SCAI: variants seen among roughly 807,000 people sequenced by gnomAD.
SCAI encodes the protein suppressor of cancer cell invasion.
A neutral mutation model predicts 92.2 loss-of-function variants in SCAI; 24 were observed. The observed-to-expected ratio is 0.26, with a 90% confidence interval of 0.19 to 0.37. The LOEUF (loss-of-function observed/expected upper bound fraction) is 0.37. Among genes scored for constraint, SCAI ranks in the 10% least tolerant of loss-of-function variants. The pLI, the probability that SCAI is intolerant of heterozygous loss-of-function variation, is 1.00. For synonymous variants in SCAI, 261 were observed against 258.6 expected (o/e 1.01, Z -0.09); for missense variants, 450 against 736.2 (o/e 0.61, Z 4.50).
intron 9 of SCAI, among the ~76,000 whole-genome samples, chr9:125,010,467 C>T (rs113549001): frequency 7.4e-4 from 113 of 152,320 alleles, no homozygotes; most frequent in Middle Eastern, 3.4e-3. Flanking sequence ...AAGGCAGCAG[C>T]GAGGCTGGGG....
chr9:125,002,570 C>T (rs538559228), intron 11 of SCAI, among the ~76,000 whole-genome samples: 2 of 150,114 alleles, frequency 1.3e-5, no homozygotes, highest in South Asian at 2.1e-4. Flanking sequence ...GCAGCCTCCG[C>T]CTCCCGGGTT....
chr9:125,066,758 A>AT (rs1156462575), intron 2 of SCAI, among the ~76,000 whole-genome samples: 1 of 151,778 alleles, frequency 6.6e-6, no homozygotes, highest in Non-Finnish European at 1.5e-5. Context: ...TGGCCTATTT[A>AT]TTTTTTTTAA....
chr9:125,120,704 CAAAT>C (rs1355936407), intron 2 of SCAI, among the ~76,000 whole-genome samples: 3 of 151,566 alleles, frequency 2.0e-5, no homozygotes, highest in Non-Finnish European at 2.9e-5. Flanking sequence ...AACAAACAAA[CAAAT>C]AAATAAGTAT....
At chr9:125,002,841 C>T (rs899534122) in intron 11 of SCAI, among the ~76,000 whole-genome samples, 2 of 151,480 alleles carry the variant, frequency 1.3e-5, no homozygotes, top group Non-Finnish European at 2.9e-5. Context: ...GGAAGGAGAA[C>T]CACTATTATC....
intron 3 of SCAI, among the ~76,000 whole-genome samples, chr9:125,045,949 T>TG (rs1183597573): frequency 6.6e-6 from 1 of 151,832 alleles, no homozygotes; most frequent in African/African-American, 2.4e-5. Context: ...ACTTTTACAC[T>TG]GCTGGTGGGA....
intron 15 of SCAI, among the ~76,000 whole-genome samples, chr9:124,973,417 G>A (rs1459141533): frequency 1.3e-5 from 2 of 152,212 alleles, no homozygotes; most frequent in Non-Finnish European, 2.9e-5. Flanking sequence ...TATGTGCTTG[G>A]CCAGGTGTGG....
intron 3 of SCAI, among the ~76,000 whole-genome samples, chr9:125,049,519 G>C (rs927705486): frequency 3.3e-5 from 5 of 152,180 alleles, no homozygotes; most frequent in Non-Finnish European, 7.3e-5. Flanking sequence ...CTACATGCAA[G>C]AGCCATTATA....
intron 6 of SCAI, among the ~76,000 whole-genome samples, chr9:125,021,855 C>T (rs1832876278): frequency 6.6e-6 from 1 of 152,114 alleles, no homozygotes; most frequent in African/African-American, 2.4e-5. Context: ...ATCCTCTTGC[C>T]TCAGCCTTCT....
At chr9:125,045,517 T>G (rs1000772549) in intron 3 of SCAI, among the ~76,000 whole-genome samples, 5 of 152,130 alleles carry the variant, frequency 3.3e-5, no homozygotes, top group Admixed American at 6.5e-5. Context: ...ATTTTTTATT[T>G]TGTAGACGGG....
chr9:124,969,187 C>G (rs530066232), intron 17 of SCAI, among the ~76,000 whole-genome samples: 2 of 152,274 alleles, frequency 1.3e-5, no homozygotes, highest in African/African-American at 4.8e-5. Flanking sequence ...TGAAGTGATG[C>G]TCCTGTCTCG....
chr9:124,996,709 A>C (rs1832246159), intron 13 of SCAI, among the ~76,000 whole-genome samples: 1 of 151,996 alleles, frequency 6.6e-6, no homozygotes, highest in African/African-American at 2.4e-5. Flanking sequence ...GGCTCACTGC[A>C]ACCTCCGCCT....
rs1372203963 is a variant in SCAI at position 125,026,924 on chromosome 9, T to C, written c.414-14A>G. On this transcript the variant is annotated splice_polypyrimidine_tract_variant and intron_variant, in intron 5 of 17. Coordinates refer to ENST00000336505, the MANE Select transcript of SCAI (RefSeq NM_001144877.3). ...GATGTGCGTAAGCTATGAGAAAAAATATATTTTTAAATATGACAGTGTCAG... is the reference window on the plus strand; with the variant it reads ...GATGTGCGTAAGCTATGAGAAAAAACATATTTTTAAATATGACAGTGTCAG... 1 of 1,481,534 alleles carries C rather than the reference T, an allele frequency of 6.7e-7. No individual in the cohort carries two copies. The highest frequency in any genetic ancestry group is 9.4e-7 in the Non-Finnish European group (1 of 1,067,464). The allele number at this position is 1,481,534 out of a possible 1,614,324, so 91.8% of individuals were successfully genotyped here.
At chr9:124,992,142 C>A (rs1268713648) in intron 14 of SCAI, among the ~76,000 whole-genome samples, 1 of 152,146 alleles carries the variant, frequency 6.6e-6, no homozygotes, top group Non-Finnish European at 1.5e-5. Flanking sequence ...TTGTCTCAAA[C>A]TGCTGGTTCA....
chr9:124,980,637 T>C (rs1261989187), intron 14 of SCAI, among the ~76,000 whole-genome samples: 1 of 152,196 alleles, frequency 6.6e-6, no homozygotes, highest in Non-Finnish European at 1.5e-5. Context: ...TGGTAGATAA[T>C]ATTTAATCCA....
At position 125,143,520 on chromosome 9, in the gene SCAI, C is replaced by A. The variant is rs1373297361; in HGVS notation, c.-83G>T. 2.5e-6 allele frequency: 3 copies of A among 1,211,020 alleles called. No individual in the cohort carries two copies. Among genetic ancestry groups the A allele is most frequent in the Non-Finnish European group, 3.2e-6 (3 of 946,786 alleles). The allele number at this position is 1,211,020 out of a possible 1,614,324, so 75.0% of individuals were successfully genotyped here. ...CTGAGGCGGCGGAGGCTGGAGTAGGCGGAGAGGCGGGAGGAGGGCCTCGCG... is the reference window on the plus strand; with the variant it reads ...CTGAGGCGGCGGAGGCTGGAGTAGGAGGAGAGGCGGGAGGAGGGCCTCGCG... On this transcript the variant is annotated 5_prime_UTR_variant, in exon 1 of 18. Transcript: ENST00000336505.
At chr9:125,098,339 G>A (rs753976083) in intron 2 of SCAI, among the ~76,000 whole-genome samples, 5 of 152,006 alleles carry the variant, frequency 3.3e-5, no homozygotes, top group Admixed American at 6.6e-5. Flanking sequence ...TTACAGGTGT[G>A]AGCCATCATG....
At chr9:125,017,010 A>G (rs1832773935) in intron 9 of SCAI, among the ~76,000 whole-genome samples, 1 of 152,174 alleles carries the variant, frequency 6.6e-6, no homozygotes, top group East Asian at 1.9e-4. Context: ...AGAGAGTAAA[A>G]GGCAAGACAA....
intron 9 of SCAI, among the ~76,000 whole-genome samples, chr9:125,008,186 C>G (rs572736102): frequency 1.3e-5 from 2 of 152,008 alleles, no homozygotes; most frequent in Admixed American, 1.3e-4. Flanking sequence ...ACTCTGTCAC[C>G]CAGGCTGGAG....
chr9:125,003,952 G>C (rs1832418254), intron 9 of SCAI, among the ~76,000 whole-genome samples: 1 of 152,228 alleles, frequency 6.6e-6, no homozygotes, highest in African/African-American at 2.4e-5. Flanking sequence ...AAGGCAGGTG[G>C]ATCACCTGAG....
Sources: gnomAD v4.1 joint callset for allele counts (sites outside exome capture counted in the v4.1 genomes callset) on GRCh38, gnomAD v4.1.1 for gene constraint, MANE v1.5 for transcripts, NCBI Gene and HGNC (gene_info 2026-07-23, HGNC 2026-07-21) for gene names.